The following NECAB1 variants were observed in gnomAD, a reference collection of about 807,000 sequenced individuals.
The protein encoded by NECAB1 is N-terminal EF-hand calcium-binding protein 1.
In NECAB1, 29 loss-of-function variants were observed where a neutral mutation model predicts 57.5. The observed-to-expected ratio is 0.50, with a 90% CI of 0.38 to 0.69. The LOEUF is 0.69. NECAB1 is among the 30% of genes least tolerant of loss of function. The pLI is 0.00. For synonymous variants in NECAB1, 142 were observed against 147.7 expected, an observed-to-expected ratio of 0.96 and a Z score of 0.28; for missense variants, 372 against 413.8, an observed-to-expected ratio of 0.90 and a Z score of 0.88.
Position 90,841,270 on chromosome 8 carries a change from A to G in NECAB1, c.233+16445A>G, listed in dbSNP as rs531278062. Among the ~76,000 whole-genome samples the G allele has an allele frequency of 3.4e-4, 16 of 47,350 alleles. No homozygotes were observed. The Admixed American group carries it at 4.4e-3, about 13-fold the overall frequency. The allele number at this position is 47,350 out of a possible 152,430, so 31.1% of individuals were successfully genotyped here. A position where few individuals can be genotyped will look rare whatever the true frequency, so the allele number is the denominator to read the frequency against. On this transcript the variant is annotated intron_variant, in intron 3 of 12. Transcript: ENST00000417640. ...GCGAGACTCTGTCTCAAAAAAAATA[A>G]AAAAAAAAAAGGGACCAAGTAGTTG...
chr8:90,874,622 A>G (rs1435229972), intron 4 of NECAB1, among the ~76,000 whole-genome samples: 1 of 152,152 alleles, frequency 6.6e-6, no homozygotes, highest in Non-Finnish European at 1.5e-5. Flanking sequence ...ATACTATATG[A>G]TTAGTGCAGT....
intron 5 of NECAB1, among the ~76,000 whole-genome samples, chr8:90,910,404 C>A (rs561926405): frequency 1.4e-4 from 21 of 152,132 alleles, no homozygotes; most frequent in African/African-American, 4.6e-4. Flanking sequence ...TTCAGTTTTC[C>A]TGAATTTTTT....
At chr8:90,881,285 T>A (rs560905334) in intron 5 of NECAB1, among the ~76,000 whole-genome samples, 155 bp downstream of exon 5, 4 of 152,338 alleles carry the variant, frequency 2.6e-5, no homozygotes, top group Admixed American at 6.5e-5. Flanking sequence ...ATTTGTAACA[T>A]AATTATAAAC....
intron 10 of NECAB1, among the ~76,000 whole-genome samples, chr8:90,943,294 G>C (rs1810720298): frequency 6.6e-6 from 1 of 152,172 alleles, no homozygotes; most frequent in Non-Finnish European, 1.5e-5. Flanking sequence ...TAGATTTTCA[G>C]CCTCTCTGTT....
At chr8:90,823,295 T>C (rs1812175076) in intron 2 of NECAB1, among the ~76,000 whole-genome samples, 1 of 151,862 alleles carries the variant, frequency 6.6e-6, no homozygotes, top group African/African-American at 2.4e-5. Context: ...AACTGGAAAA[T>C]TAGATTATTG....
chr8:90,796,917 T>TATGAA (rs780057336), intron 1 of NECAB1, among the ~76,000 whole-genome samples: 1 of 152,378 alleles, frequency 6.6e-6, no homozygotes, highest in East Asian at 1.9e-4. Flanking sequence ...GATTGTTCTT[T>TATGAA]ATGAAATGAA....
In NECAB1 at chr8:90,917,609, G is replaced by A. The variant is rs1203107198; in HGVS notation, c.475G>A (p.Glu159Lys). ...GGAATGTGCCATGGAAACTACTGAG[G>A]AGCAAACCCGTCAAGAAAGGCAATT... ...SLECAMETTE[E>K]QTRQERQGPA... Residue 159 changes from glutamate (E) to lysine (K), a missense_variant, in exon 6 of 13, where the codon GAG becomes AAG. By Grantham distance (56) the Glu-to-Lys change is moderately conservative. Transcript: ENST00000417640. 3.7e-6 allele frequency: 6 copies of A among 1,609,506 alleles called. No individual in the cohort carries two copies. Among genetic ancestry groups the A allele is most frequent in the Admixed American group, 1.7e-5 (1 of 59,656 alleles).
At chr8:90,805,080 G>A (rs1160222237) in intron 2 of NECAB1, among the ~76,000 whole-genome samples, 2 of 152,178 alleles carry the variant, frequency 1.3e-5, no homozygotes, top group Non-Finnish European at 2.9e-5. Context: ...TTCTATTGCA[G>A]TGGAGTTTAG....
At chr8:90,902,580 T>G (rs1012871319) in intron 5 of NECAB1, among the ~76,000 whole-genome samples, 1 of 152,196 alleles carries the variant, frequency 6.6e-6, no homozygotes, top group African/African-American at 2.4e-5. Context: ...TACACACATT[T>G]TACAGTTTAT....
chr8:90,798,212 T>G (rs1811695143), intron 1 of NECAB1, among the ~76,000 whole-genome samples: 2 of 152,228 alleles, frequency 1.3e-5, no homozygotes, highest in South Asian at 4.1e-4. Context: ...AGATGCCCAG[T>G]CATTGGACTT....
At chr8:90,795,781 A>C (rs1452443328) in intron 1 of NECAB1, among the ~76,000 whole-genome samples, 1 of 151,996 alleles carries the variant, frequency 6.6e-6, no homozygotes, top group African/African-American at 2.4e-5. Context: ...AGAGGATGGC[A>C]GTTAACCCCA....
At chr8:90,841,453 T>G (rs146896578) in intron 3 of NECAB1, among the ~76,000 whole-genome samples, 2,903 of 152,276 alleles carry the variant, frequency 0.019, 51 homozygotes, top group Non-Finnish European at 0.029. Flanking sequence ...CAATAGTACC[T>G]TGTAAAATGG....
intron 5 of NECAB1, among the ~76,000 whole-genome samples, chr8:90,885,909 A>G (rs1368638012): frequency 6.6e-6 from 1 of 152,212 alleles, no homozygotes; most frequent in African/African-American, 2.4e-5. Flanking sequence ...TGACAAATGA[A>G]TAAGTAGGTG....
At chr8:90,831,508 G>A (rs961136078) in intron 3 of NECAB1, among the ~76,000 whole-genome samples, 28 of 152,184 alleles carry the variant, frequency 1.8e-4, no homozygotes, top group African/African-American at 6.3e-4. Context: ...TACTAATTGT[G>A]GGATCAATCA....
At chr8:90,888,320 T>A (rs1251742914) in intron 5 of NECAB1, among the ~76,000 whole-genome samples, 1 of 152,226 alleles carries the variant, frequency 6.6e-6, no homozygotes, top group East Asian at 1.9e-4. Flanking sequence ...TGAACTACAG[T>A]TGCCTGAGTG....
At chr8:90,931,399 CAT>C (rs1243482222) in intron 8 of NECAB1, among the ~76,000 whole-genome samples, 2 of 152,226 alleles carry the variant, frequency 1.3e-5, no homozygotes, top group Non-Finnish European at 2.9e-5. Context: ...TGCAGTGGAA[CAT>C]ATGTTATCTT....
rs149080565 is a variant in NECAB1 at position 90,900,323 on chromosome 8, T to G, written c.358-17169T>G. On this transcript the variant is annotated intron_variant, in intron 5 of 12. Transcript: ENST00000417640. ...AGAAAGTAACAACAGAAGGGTAGAG[T>G]AGGCATGACAGAATTGCTTCACCAA... 3.5e-3 allele frequency among the ~76,000 whole-genome samples: 530 copies of G among 152,146 alleles called. 2 individuals carry two copies. Among genetic ancestry groups the G allele is most frequent in the Non-Finnish European group, 6.4e-3 (438 of 67,988 alleles).
At chr8:90,949,423 A>G (rs774520951) in intron 10 of NECAB1, among the ~76,000 whole-genome samples, 2 of 152,152 alleles carry the variant, frequency 1.3e-5, no homozygotes, top group African/African-American at 2.4e-5. Context: ...CCTAACAGCT[A>G]CATTTGAGGG....
At chr8:90,798,631 GTTC>G (rs1811704686) in intron 1 of NECAB1, among the ~76,000 whole-genome samples, 1 of 152,130 alleles carries the variant, frequency 6.6e-6, no homozygotes, top group South Asian at 2.1e-4. Context: ...ACATTATCTT[GTTC>G]TTTTTTATGG....
Sources: allele counts gnomAD v4.1 joint callset (sites outside exome capture counted in the v4.1 genomes callset), GRCh38; gene constraint gnomAD v4.1.1; transcripts MANE v1.5; gene names NCBI Gene and HGNC (gene_info 2026-07-23, HGNC 2026-07-21).